RBFOX3: variants seen among roughly 807,000 people sequenced by gnomAD.
RBFOX3 encodes the protein RNA binding fox-1 homolog 3, also known as RNA binding protein fox-1 homolog 3.
RBFOX3 carries 17 observed loss-of-function variants against 48.7 expected under a neutral mutation model. The ratio of observed to expected loss-of-function variants is 0.35; its 90% CI spans 0.24 to 0.52. The LOEUF (loss-of-function observed/expected upper bound fraction) is 0.52, where lower values mean the gene tolerates loss of function less well. RBFOX3 is among the 20% of genes least tolerant of loss of function. The probability of loss-of-function intolerance (pLI) is 0.94; values close to 1 mark genes in which losing one functional copy is unlikely to be tolerated. For synonymous variants in RBFOX3, 212 were observed against 209.5 expected (o/e 1.01, Z -0.10); for missense variants, 382 against 497.5 (o/e 0.77, Z 2.21).
At chr17:79,122,872 T>C (rs1568173117) in intron 4 of RBFOX3, among the ~76,000 whole-genome samples, 1 of 148,652 alleles carries the variant, frequency 6.7e-6, no homozygotes, top group East Asian at 2.0e-4. Context: ...TATTGAGCCA[T>C]AAAAAAAAAA....
At chr17:79,226,365 T>G (rs1600107831) in intron 4 of RBFOX3, among the ~76,000 whole-genome samples, 1 of 152,182 alleles carries the variant, frequency 6.6e-6, no homozygotes, top group South Asian at 2.1e-4. Flanking sequence ...ATTCCCTGGA[T>G]AGGAAGTGGG....
intron 1 of RBFOX3, among the ~76,000 whole-genome samples, chr17:79,526,168 C>G (rs1401181929): frequency 6.6e-6 from 1 of 152,206 alleles, no homozygotes; most frequent in Non-Finnish European, 1.5e-5. Flanking sequence ...GGAGAGCTAG[C>G]AAGTTGTGTG....
At chr17:79,225,531 T>C (rs556803957) in intron 4 of RBFOX3, among the ~76,000 whole-genome samples, 2 of 152,330 alleles carry the variant, frequency 1.3e-5, no homozygotes, top group East Asian at 3.9e-4. Flanking sequence ...CCTCAAGTGA[T>C]GTGCCCACCT....
the RBFOX3 span, among the ~76,000 whole-genome samples, chr17:79,621,171 C>T: frequency 6.6e-6 from 1 of 151,960 alleles, no homozygotes; most frequent in African/African-American, 2.4e-5. Context: ...GCTTATTTTT[C>T]TATTTTTAGT....
intron 2 of RBFOX3, among the ~76,000 whole-genome samples, chr17:79,445,301 G>A (rs1555737526): frequency 6.6e-6 from 1 of 152,184 alleles, no homozygotes; most frequent in African/African-American, 2.4e-5. Flanking sequence ...CCACTGCCCA[G>A]TGGGAATGTC....
chr17:79,417,209 A>G (rs984164212), intron 2 of RBFOX3, among the ~76,000 whole-genome samples: 49 of 152,316 alleles, frequency 3.2e-4, no homozygotes, highest in African/African-American at 1.2e-3. Flanking sequence ...TAACAGAGGC[A>G]GAGAAGCTTC....
At chr17:79,652,604 A>AGGAG in the RBFOX3 span, among the ~76,000 whole-genome samples, 24 of 16,088 alleles carry the variant, frequency 1.5e-3, no homozygotes, top group Non-Finnish European at 2.4e-3. Flanking sequence ...GAGGAGAGGA[A>AGGAG]AGGAAAGGAA....
chr17:79,358,883 T>C (rs2147217524), intron 2 of RBFOX3, among the ~76,000 whole-genome samples: 1 of 152,342 alleles, frequency 6.6e-6, no homozygotes, highest in African/African-American at 2.4e-5. Flanking sequence ...TTCCTGCCAA[T>C]TGCTCGAGAG....
chr17:79,463,366 C>T (rs373806671), intron 2 of RBFOX3, among the ~76,000 whole-genome samples: 2 of 103,674 alleles, frequency 1.9e-5, no homozygotes, highest in Admixed American at 9.5e-5. Context: ...CCATCGCCAC[C>T]GCCAGTGCCA....
At chr17:79,381,066 CCTAA>C (rs1361194374) in intron 2 of RBFOX3, among the ~76,000 whole-genome samples, 1 of 152,148 alleles carries the variant, frequency 6.6e-6, no homozygotes, top group Non-Finnish European at 1.5e-5. Context: ...TCAAGACCAT[CCTAA>C]CTAACACGGT....
chr17:79,629,530 G>A, the RBFOX3 span, among the ~76,000 whole-genome samples: 1 of 152,162 alleles, frequency 6.6e-6, no homozygotes, highest in African/African-American at 2.4e-5. Flanking sequence ...CCTCTCATTC[G>A]CTTGCTGGTG....
chr17:79,164,558 C>T (rs1219532576), intron 4 of RBFOX3, among the ~76,000 whole-genome samples: 1 of 152,208 alleles, frequency 6.6e-6, no homozygotes, highest in Non-Finnish European at 1.5e-5. Flanking sequence ...CCAGCTGTGC[C>T]AGTGAAAACG....
chr17:79,640,231 CTT>C, the RBFOX3 span, among the ~76,000 whole-genome samples: 28 of 152,028 alleles, frequency 1.8e-4, no homozygotes, highest in Non-Finnish European at 3.4e-4. Context: ...CAAAAAAAGA[CTT>C]AGGAATAAAC....
rs782055329 is a variant in RBFOX3 at position 79,421,717 on chromosome 17, C to T, written c.-175+60737G>A. 6.6e-6 allele frequency among the ~76,000 whole-genome samples: 1 copy of T among 152,152 alleles called. No individual in the cohort carries two copies. The highest frequency in any genetic ancestry group is 1.5e-5 in the Non-Finnish European group (1 of 68,026). On this transcript the variant is annotated intron_variant, in intron 2 of 14. Transcript: ENST00000693108. The surrounding 1 kb of genome is among the most constrained non-coding windows in gnomAD (Gnocchi z 4.5). ...ATAGGACCAAGCAAGATGACGCAGG[C>T]CCCTGGCAAGCCTGAGGCCGGGGCA...
the RBFOX3 span, among the ~76,000 whole-genome samples, chr17:79,650,874 T>C: frequency 1.1e-4 from 16 of 152,132 alleles, no homozygotes; most frequent in Non-Finnish European, 1.5e-4. Flanking sequence ...TCTCCATGCC[T>C]GAAGCTTCTC....
At chr17:79,475,553 A>G (rs1406715834) in intron 2 of RBFOX3, among the ~76,000 whole-genome samples, 4 of 152,146 alleles carry the variant, frequency 2.6e-5, no homozygotes, top group Admixed American at 1.3e-4. Context: ...ATGTGGCCTT[A>G]GTTGGAAATA....
chr17:79,158,781 C>G (rs540867235), intron 4 of RBFOX3, among the ~76,000 whole-genome samples: 1 of 152,288 alleles, frequency 6.6e-6, no homozygotes, highest in East Asian at 1.9e-4. Context: ...GGTACAGCCC[C>G]AATTTATGTG....
chr17:79,326,299 G>A (rs893436844), intron 2 of RBFOX3, among the ~76,000 whole-genome samples: 6 of 152,116 alleles, frequency 3.9e-5, no homozygotes, highest in African/African-American at 9.7e-5. Context: ...GCTAGGAGGC[G>A]CCAGGATGTC....
chr17:79,543,312 A>G (rs77870625), intron 1 of RBFOX3, among the ~76,000 whole-genome samples: 183 of 152,290 alleles, frequency 1.2e-3, no homozygotes, highest in Non-Finnish European at 2.4e-3. Flanking sequence ...TGCGAGGCCA[A>G]TGCTGCCTTC....
Sources: allele counts gnomAD v4.1 joint callset (sites outside exome capture counted in the v4.1 genomes callset), GRCh38; gene constraint gnomAD v4.1.1; non-coding constraint Gnocchi (gnomAD v3.1); transcripts MANE v1.5; gene names NCBI Gene and HGNC (gene_info 2026-07-23, HGNC 2026-07-21).